SDK1: variants seen among roughly 807,000 people sequenced by gnomAD.
The protein encoded by SDK1 is sidekick cell adhesion molecule 1, also known as protein sidekick-1.
A neutral mutation model predicts 245.5 loss-of-function variants in SDK1; 157 were observed. The observed-to-expected ratio is 0.64, with a 90% CI of 0.56 to 0.73. The LOEUF (loss-of-function observed/expected upper bound fraction) is 0.73. SDK1 is among the 30% of genes least tolerant of loss of function. The pLI is 0.00. For synonymous variants in SDK1, 1,647 were observed against 1,278.5 expected (o/e 1.29, Z -6.15); for missense variants, 3,583 against 3,002.3 (o/e 1.19, Z -4.52).
chr7:3,880,506 G>A (rs961996178), intron 5 of SDK1, among the ~76,000 whole-genome samples: 4 of 150,652 alleles, frequency 2.7e-5, no homozygotes, highest in Non-Finnish European at 5.9e-5. Context: ...GCAGCGATGC[G>A]CAGATGCGTG....
In SDK1 at chr7:3,372,776, G is replaced by A. The variant is rs79736167; in HGVS notation, c.298+70892G>A. ...CAGGAAGAGAGCACACAGTGTAGGAGAGCGTGCATTGCAGGCTTTACTGGC... is the reference window on the plus strand; with the variant it reads ...CAGGAAGAGAGCACACAGTGTAGGAAAGCGTGCATTGCAGGCTTTACTGGC... On this transcript the variant is annotated intron_variant, in intron 1 of 44. Transcript: ENST00000404826. Among the ~76,000 whole-genome samples, 70 of 152,332 alleles carry A rather than the reference G, an allele frequency of 4.6e-4. 1 individual carries two copies. The East Asian group carries it at 0.011, about 23-fold the overall frequency.
At chr7:3,746,958 G>A (rs1421480108) in intron 4 of SDK1, among the ~76,000 whole-genome samples, 1 of 152,182 alleles carries the variant, frequency 6.6e-6, no homozygotes, top group Non-Finnish European at 1.5e-5. Flanking sequence ...ACCATCAGAG[G>A]AGTCATCATC....
chr7:4,104,512 A>G (rs1408165906), intron 22 of SDK1, among the ~76,000 whole-genome samples: 1 of 152,176 alleles, frequency 6.6e-6, no homozygotes, highest in African/African-American at 2.4e-5. Flanking sequence ...TCACGGTTAT[A>G]TTGCTCTCAT....
intron 5 of SDK1, among the ~76,000 whole-genome samples, chr7:3,861,037 A>G (rs576465083): frequency 2.9e-4 from 44 of 152,244 alleles, no homozygotes; most frequent in African/African-American, 1.0e-3. Flanking sequence ...TGCCTCAGCC[A>G]CTTCCTTTTA....
At chr7:3,613,575 A>T (rs187890090) in intron 1 of SDK1, among the ~76,000 whole-genome samples, 1 of 152,190 alleles carries the variant, frequency 6.6e-6, no homozygotes, top group Non-Finnish European at 1.5e-5. Context: ...TGTGGAAGAC[A>T]GTGTGGTGAT....
chr7:3,469,318 A>G (rs1055237071), intron 1 of SDK1, among the ~76,000 whole-genome samples: 2 of 152,064 alleles, frequency 1.3e-5, no homozygotes, highest in Admixed American at 1.3e-4. Context: ...GTCGTCCCAG[A>G]TACTTGGGAG....
chr7:3,349,188 TA>T (rs112013810), intron 1 of SDK1, among the ~76,000 whole-genome samples: 1 of 150,424 alleles, frequency 6.6e-6, no homozygotes, highest in Admixed American at 6.6e-5. Flanking sequence ...GGTTGCAGTT[TA>T]AAAAAAAACA....
At chr7:3,365,517 C>G (rs1260739459) in intron 1 of SDK1, among the ~76,000 whole-genome samples, 1 of 152,166 alleles carries the variant, frequency 6.6e-6, no homozygotes, top group African/African-American at 2.4e-5. Context: ...TTATATATTT[C>G]TATTCATTTT....
At chr7:3,427,202 T>C (rs1274872513) in intron 1 of SDK1, among the ~76,000 whole-genome samples, 1 of 152,094 alleles carries the variant, frequency 6.6e-6, no homozygotes, top group East Asian at 1.9e-4. Flanking sequence ...AATGAAAAAG[T>C]AAAACTGGTA....
intron 17 of SDK1, among the ~76,000 whole-genome samples, chr7:4,037,095 T>C (rs929011917): frequency 1.3e-5 from 2 of 152,224 alleles, no homozygotes; most frequent in African/African-American, 4.8e-5. Context: ...TCATAGATTC[T>C]TGCAAAACTC....
intron 37 of SDK1, 103 bp from the exon 38 acceptor site, chr7:4,209,922 A>T: frequency 9.4e-7 from 1 of 1,065,140 alleles, no homozygotes; most frequent in Non-Finnish European, 1.3e-6. Flanking sequence ...AGTTGAAAAT[A>T]ACATCGAATA....
chr7:3,942,877 C>G (rs1444276728), intron 5 of SDK1, among the ~76,000 whole-genome samples: 3 of 152,180 alleles, frequency 2.0e-5, no homozygotes, highest in Admixed American at 2.0e-4. Flanking sequence ...TGCCCATGTC[C>G]ACTTGGAGGT....
intron 20 of SDK1, among the ~76,000 whole-genome samples, chr7:4,073,384 C>T (rs780851861): frequency 9.9e-5 from 15 of 152,148 alleles, no homozygotes; most frequent in South Asian, 2.1e-4. Flanking sequence ...TCTAGCTATC[C>T]GTTTGGTTTT....
intron 13 of SDK1, among the ~76,000 whole-genome samples, chr7:3,977,456 G>T (rs1001884858): frequency 1.3e-4 from 20 of 152,190 alleles, no homozygotes; most frequent in Admixed American, 9.8e-4. Flanking sequence ...GTGTACGCAT[G>T]GGGCAGCCAG....
At chr7:3,788,844 G>T (rs1369401371) in intron 4 of SDK1, among the ~76,000 whole-genome samples, 1 of 152,176 alleles carries the variant, frequency 6.6e-6, no homozygotes, top group Non-Finnish European at 1.5e-5. Flanking sequence ...TCCGAGAGAG[G>T]AGACAGAATT....
At chr7:3,715,766 AC>A (rs1054840788) in intron 4 of SDK1, among the ~76,000 whole-genome samples, 4 of 152,222 alleles carry the variant, frequency 2.6e-5, no homozygotes, top group African/African-American at 9.6e-5. Context: ...CATACAAAGA[AC>A]AAGGAAAAAT....
intron 1 of SDK1, among the ~76,000 whole-genome samples, chr7:3,386,035 G>A (rs148646100): frequency 6.6e-6 from 1 of 152,108 alleles, no homozygotes; most frequent in African/African-American, 2.4e-5. Flanking sequence ...TCACTCGTTA[G>A]TAATATTACT....
At chr7:4,052,039 G>A (rs1778888732) in intron 19 of SDK1, among the ~76,000 whole-genome samples, 1 of 152,052 alleles carries the variant, frequency 6.6e-6, no homozygotes, top group Non-Finnish European at 1.5e-5. Context: ...GGTGGCCTTG[G>A]CTCAAGGAAG....
chr7:4,175,406 C>T (rs1467334556), intron 33 of SDK1, among the ~76,000 whole-genome samples: 2 of 152,234 alleles, frequency 1.3e-5, no homozygotes, highest in South Asian at 2.1e-4. Context: ...GCTCCTCCAG[C>T]CGGGGCTCCC....
Sources: gnomAD v4.1 joint callset for allele counts (sites outside exome capture counted in the v4.1 genomes callset) on GRCh38, gnomAD v4.1.1 for gene constraint, MANE v1.5 for transcripts, NCBI Gene and HGNC (gene_info 2026-07-23, HGNC 2026-07-21) for gene names.